The following MIB1 variants were observed in gnomAD, a reference collection of about 807,000 sequenced individuals.
MIB1 encodes the protein MIB E3 ubiquitin protein ligase 1.
In MIB1, 278 loss-of-function variants were observed where a neutral mutation model predicts 124.5. The observed-to-expected ratio is 2.23, with a 90% confidence interval of 2.02 to 2.47. MIB1 has a LOEUF of 2.47. Among genes scored for constraint, MIB1 ranks in the 30% most tolerant of loss-of-function variants. The pLI is 0.00. For synonymous variants in MIB1, 446 were observed against 429.4 expected (o/e 1.04, Z -0.48); for missense variants, 957 against 1,254.4 (o/e 0.76, Z 3.58).
In MIB1 at chr18:21,741,740, G is replaced by C; in HGVS notation, c.157G>C (p.Asp53His). ...CCCCGAGGAGGTGGTGGTAGTGTGG[G>C]ACAACGGCACAGCTGCCAACTACCG... ...ESPEEVVVVW[D>H]NGTAANYRCS... The change falls in exon 1 of 21, where the codon GAC becomes CAC. Residue 53 changes from aspartate (D) to histidine (H), a missense_variant. Transcript: ENST00000261537. This position sits in a 1 kb window ranked among gnomAD's most constrained non-coding sequence, Gnocchi z 5.4. 1 of 1,611,360 alleles carries C rather than the reference G, an allele frequency of 6.2e-7. No individual in the cohort carries two copies. Among genetic ancestry groups the C allele is most frequent in the Non-Finnish European group, 8.5e-7 (1 of 1,179,272 alleles).
intron 1 of MIB1, among the ~76,000 whole-genome samples, chr18:21,719,612 A>ATTTTTTTTTTTTTTT (rs1274166599): frequency 8.2e-6 from 1 of 121,370 alleles, no homozygotes. Context: ...ACGCTGGGCT[A>ATTTTTTTTTTTTTTT]TTTTTTTTTT....
intron 1 of MIB1, among the ~76,000 whole-genome samples, chr18:21,761,173 A>G (rs2041093618): frequency 6.6e-6 from 1 of 151,868 alleles, no homozygotes; most frequent in Admixed American, 6.6e-5. Flanking sequence ...TCTAACACAA[A>G]TACCAAAAGT....
chr18:21,803,264 A>T (rs1267813015), intron 9 of MIB1, among the ~76,000 whole-genome samples: 2 of 152,168 alleles, frequency 1.3e-5, no homozygotes, highest in East Asian at 3.8e-4. Flanking sequence ...ATCTTTAACT[A>T]TCTTTAATGA....
At chr18:21,813,775 G>T (rs1276853596) in intron 10 of MIB1, among the ~76,000 whole-genome samples, 3 of 152,142 alleles carry the variant, frequency 2.0e-5, no homozygotes, top group Non-Finnish European at 4.4e-5. Context: ...GTGCCATATG[G>T]ATTGTCAGAC....
At chr18:21,852,776 T>C (rs1211964301) in intron 17 of MIB1, among the ~76,000 whole-genome samples, 1 of 152,250 alleles carries the variant, frequency 6.6e-6, no homozygotes, top group Non-Finnish European at 1.5e-5. Context: ...CAGTCATTTC[T>C]TATTTTACTA....
intron 13 of MIB1, among the ~76,000 whole-genome samples, chr18:21,841,071 T>C (rs1400410567): frequency 6.6e-6 from 1 of 151,724 alleles, no homozygotes; most frequent in Non-Finnish European, 1.5e-5. Flanking sequence ...GAAAATTTAA[T>C]AATAAAAGGA....
intron 10 of MIB1, among the ~76,000 whole-genome samples, chr18:21,810,827 T>C (rs149339549): frequency 2.1e-4 from 32 of 152,122 alleles, no homozygotes; most frequent in Non-Finnish European, 4.0e-4. Context: ...TATCTGGCAG[T>C]GATTCCTTGG....
At chr18:21,831,243 T>C (rs1231087193) in intron 12 of MIB1, 2 of 148,610 alleles carry the variant, frequency 1.3e-5, no homozygotes, top group African/African-American at 2.5e-5. Flanking sequence ...TCTGCATCTT[T>C]CTTGCTTTTA....
At chr18:21,725,514 T>C (rs2040737642) in intron 1 of MIB1, among the ~76,000 whole-genome samples, 1 of 152,208 alleles carries the variant, frequency 6.6e-6, no homozygotes, top group Non-Finnish European at 1.5e-5. Flanking sequence ...TCCATCATTA[T>C]CAATTTGTGT....
At position 21,799,987 on chromosome 18, in the gene MIB1, A is replaced by C; in HGVS notation, c.1371+13A>C. On this transcript the variant is annotated intron_variant, in intron 9 of 20. Transcript: ENST00000261537. Reference sequence around the variant, plus strand: ...ACCAGATGTGGATGTGAGCATTTTAAAAATTATTTTGAAGCATACAAAAAG... The same window carrying C: ...ACCAGATGTGGATGTGAGCATTTTACAAATTATTTTGAAGCATACAAAAAG... 6.2e-7 allele frequency: 1 copy of C among 1,606,218 alleles called. No individual in the cohort carries two copies. The highest frequency in any genetic ancestry group is 1.3e-5 in the African/African-American group (1 of 74,838).
intron 7 of MIB1, among the ~76,000 whole-genome samples, chr18:21,794,473 A>C (rs1015866880): frequency 1.2e-4 from 18 of 145,594 alleles, no homozygotes; most frequent in East Asian, 2.1e-4. Flanking sequence ...CTCTCTCTCT[A>C]CAAGAGAGTC....
At position 21,740,909 on chromosome 18, in the gene MIB1, C is replaced by CT. The variant is rs1445483400; in HGVS notation, c.-674dup. The stretch of plus-strand genomic sequence containing the variant: ...GCCGAGGATCCCCCTCCTAGACACT[C>CT]TGAGAAGGTGCCGCTCCGGCCTTGG... On this transcript the variant is annotated 5_prime_UTR_variant, in exon 1 of 21. Coordinates refer to ENST00000261537, the MANE Select transcript of MIB1 (RefSeq NM_020774.4). Among the ~76,000 whole-genome samples the CT allele has an allele frequency of 1.3e-5, 2 of 152,262 alleles. No homozygotes were observed. Among genetic ancestry groups the CT allele is most frequent in the African/African-American group, 4.8e-5 (2 of 41,478 alleles).
In MIB1 at chr18:21,765,794, G is replaced by A. The variant is rs1313839807; in HGVS notation, c.252G>A (p.Met84Ile). 1.9e-6 allele frequency: 3 copies of A among 1,614,022 alleles called. No individual in the cohort carries two copies. The highest frequency in any genetic ancestry group is 2.7e-5 in the African/African-American group (2 of 74,930). The change falls in exon 2 of 21, where the codon ATG becomes ATA. Residue 84 changes from methionine (M) to isoleucine (I), a missense_variant. By Grantham distance (10) the Met-to-Ile change is conservative. Transcript: ENST00000261537. ...APTGIKHDGT[M>I]CDTCRQQPII... The stretch of plus-strand genomic sequence containing the variant: ...TAGGCATCAAGCATGATGGAACCAT[G>A]TGTGATACCTGCCGCCAGCAACCAA...
At position 21,726,589 on chromosome 18, in the gene MIB1, G is replaced by A. The variant is rs372047197; in HGVS notation, n.167+21466G>A. On this transcript the variant is annotated intron_variant and non_coding_transcript_variant, in intron 1 of 20. Coordinates refer to the MIB1 transcript ENST00000578646. Reference sequence around the variant, plus strand: ...AAAGATGATAGGGTTCAGAGTGAACGCTCTGAAGGTAGTCCCCACGGTTTT... The same window carrying A: ...AAAGATGATAGGGTTCAGAGTGAACACTCTGAAGGTAGTCCCCACGGTTTT... 1.2e-4 allele frequency among the ~76,000 whole-genome samples: 19 copies of A among 152,202 alleles called. 1 individual carries two copies. Among genetic ancestry groups the A allele is most frequent in the African/African-American group, 4.6e-4 (19 of 41,506 alleles).
chr18:21,723,672 C>T (rs947098695), intron 1 of MIB1, among the ~76,000 whole-genome samples: 11 of 152,164 alleles, frequency 7.2e-5, no homozygotes, highest in African/African-American at 1.2e-4. Flanking sequence ...CCCGCCACCA[C>T]GCCCAGCTAA....
chr18:21,740,819 T>A lies in MIB1; in HGVS notation c.-765T>A, dbSNP rs574405056. 2.0e-5 allele frequency among the ~76,000 whole-genome samples: 3 copies of A among 152,328 alleles called. No individual in the cohort carries two copies. The highest frequency in any genetic ancestry group is 4.1e-4 in the South Asian group (2 of 4,824). On this transcript the variant is annotated 5_prime_UTR_variant, in exon 1 of 21. Coordinates refer to ENST00000261537, the MANE Select transcript of MIB1 (RefSeq NM_020774.4). ...TGGACCCTGGAGAGACGCTTAGGGA[T>A]CAGTTTTCTCCTCCTTTCTTCCCGC...
At chr18:21,786,163 C>G (rs983359171) in intron 6 of MIB1, among the ~76,000 whole-genome samples, 14 of 152,100 alleles carry the variant, frequency 9.2e-5, no homozygotes, top group African/African-American at 3.1e-4. Context: ...GTGGCACGAT[C>G]TCGGCTCACT....
chr18:21,852,659 C>T (rs1259940632), intron 17 of MIB1, among the ~76,000 whole-genome samples: 1 of 152,146 alleles, frequency 6.6e-6, no homozygotes, highest in Non-Finnish European at 1.5e-5. Context: ...GAAAAGGGCA[C>T]TTTAAGGTAG....
chr18:21,853,032 C>A, intron 17 of MIB1, 108 bp from the exon 18 acceptor site: 1 of 724,682 alleles, frequency 1.4e-6, no homozygotes, highest in South Asian at 1.7e-5. Flanking sequence ...TTTCTCTGTG[C>A]CTAGGTGTTT....
Sources: allele counts gnomAD v4.1 joint callset (sites outside exome capture counted in the v4.1 genomes callset), GRCh38; gene constraint gnomAD v4.1.1; non-coding constraint Gnocchi (gnomAD v3.1); transcripts MANE v1.5; gene names NCBI Gene and HGNC (gene_info 2026-07-23, HGNC 2026-07-21).